Variants in ELAVL4 observed in about 807,000 individuals in gnomAD.
The protein encoded by ELAVL4 is ELAV-like protein 4.
In ELAVL4, 1 loss-of-function variant was observed where a neutral mutation model predicts 35.6. That is an observed-to-expected ratio of 0.03 (90% CI 0.01 to 0.13). The LOEUF (loss-of-function observed/expected upper bound fraction) is 0.13, where lower values mean the gene tolerates loss of function less well. ELAVL4 is among the 10% of genes least tolerant of loss of function. The pLI is 1.00. For missense variants in ELAVL4, 267 were observed against 464.9 expected (o/e 0.57, Z 3.91); for synonymous variants, 156 against 171.0 (o/e 0.91, Z 0.69).
At chr1:50,184,705 T>A (rs1210919812) in intron 3 of ELAVL4, among the ~76,000 whole-genome samples, 1 of 152,170 alleles carries the variant, frequency 6.6e-6, no homozygotes, top group African/African-American at 2.4e-5. Context: ...GAAGAGAACC[T>A]GTGTAGCTAT....
rs1644367815 is a variant in ELAVL4 at position 50,201,040 on chromosome 1, C to T, written c.963C>T (p.Asn321=). 6.2e-7 allele frequency: 1 copy of T among 1,614,106 alleles called. No homozygotes were observed. The highest frequency in any genetic ancestry group is 8.5e-7 in the Non-Finnish European group (1 of 1,180,008). The change falls in exon 7 of 7, where the codon AAC becomes AAT. Residue 321 remains asparagine, a synonymous_variant. Coordinates refer to ENST00000371824, the MANE Select transcript of ELAVL4 (RefSeq NM_001144774.3). The surrounding 1 kb of genome is among the most constrained non-coding windows in gnomAD (Gnocchi z 4.3). ...NVKVIRDFNT[N]KCKGFGFVTM... ...AGGTGATTCGTGACTTCAACACCAA[C>T]AAGTGCAAGGGATTCGGCTTTGTCA... is the stretch of plus-strand genomic sequence containing the variant.
At chr1:50,179,168 C>T (rs1438164103) in intron 3 of ELAVL4, among the ~76,000 whole-genome samples, 1 of 152,070 alleles carries the variant, frequency 6.6e-6, no homozygotes, top group Non-Finnish European at 1.5e-5. Context: ...TTCCTTTCCC[C>T]ACCCCCTCAC....
chr1:50,109,871 T>C, intron 1 of ELAVL4: 1 of 1,600,046 alleles, frequency 6.2e-7, no homozygotes, highest in East Asian at 2.2e-5. Context: ...AGAAGGAATG[T>C]CAGCTTTTAC....
intron 1 of ELAVL4, among the ~76,000 whole-genome samples, chr1:50,053,355 T>C (rs954327691): frequency 6.6e-6 from 1 of 152,212 alleles, no homozygotes; most frequent in African/African-American, 2.4e-5. Flanking sequence ...TTGTTTTTTA[T>C]GTTTTGTGTT....
At chr1:50,172,096 G>A (rs1001595643) in intron 2 of ELAVL4, among the ~76,000 whole-genome samples, 2 of 152,148 alleles carry the variant, frequency 1.3e-5, no homozygotes, top group African/African-American at 2.4e-5. Flanking sequence ...TTTAAAAAGC[G>A]AAAGAGCAAG....
intron 2 of ELAVL4, among the ~76,000 whole-genome samples, chr1:50,149,227 G>T (rs1019933253): frequency 1.3e-5 from 2 of 151,804 alleles, no homozygotes; most frequent in African/African-American, 4.8e-5. Context: ...GTGAAACCCC[G>T]TCTCTACTAA....
chr1:50,095,538 A>G (rs531866010), intron 1 of ELAVL4, among the ~76,000 whole-genome samples: 174 of 152,192 alleles, frequency 1.1e-3, no homozygotes, highest in African/African-American at 4.1e-3. Context: ...TTATATTTAT[A>G]TAATATATAA....
intron 1 of ELAVL4, among the ~76,000 whole-genome samples, chr1:50,126,426 C>G: frequency 6.6e-6 from 1 of 151,892 alleles, no homozygotes; most frequent in African/African-American, 2.4e-5. Context: ...AGAGTATTTA[C>G]TTTTTAGTGG....
At chr1:50,062,922 C>A (rs1038874998) in intron 1 of ELAVL4, among the ~76,000 whole-genome samples, 1 of 152,156 alleles carries the variant, frequency 6.6e-6, no homozygotes, top group Non-Finnish European at 1.5e-5. Context: ...AGTCTACCAA[C>A]CCATATTTAT....
chr1:50,183,149 C>T (rs1053689923), intron 3 of ELAVL4, among the ~76,000 whole-genome samples: 5 of 152,256 alleles, frequency 3.3e-5, no homozygotes, highest in South Asian at 2.1e-4. Flanking sequence ...TGAGCCACTG[C>T]GCCCGGCCGA....
chr1:50,094,697 G>T (rs1488965432), intron 1 of ELAVL4, among the ~76,000 whole-genome samples: 1 of 151,726 alleles, frequency 6.6e-6, no homozygotes, highest in Non-Finnish European at 1.5e-5. Context: ...CCTGAGGTCA[G>T]GAGTTCGAGA....
intron 6 of ELAVL4, 46 bp downstream of exon 6, chr1:50,197,513 C>A: frequency 1.3e-6 from 2 of 1,488,126 alleles, no homozygotes; most frequent in Admixed American, 2.6e-5. Context: ...TTGGCACAGA[C>A]TGGGGCTAGA....
chr1:50,064,241 G>T (rs539822180), intron 1 of ELAVL4, among the ~76,000 whole-genome samples: 19 of 152,258 alleles, frequency 1.2e-4, no homozygotes, highest in Non-Finnish European at 2.6e-4. Context: ...AGAACAGAAA[G>T]AAAATAATCT....
chr1:50,063,330 G>C (rs1414995477), intron 1 of ELAVL4, among the ~76,000 whole-genome samples: 1 of 151,940 alleles, frequency 6.6e-6, no homozygotes, highest in African/African-American at 2.4e-5. Flanking sequence ...TTACAGTTTT[G>C]CCTTTCTTTT....
chr1:50,110,003 CTGTGTGTG>C lies in ELAVL4; in HGVS notation c.9+822_9+829del, dbSNP rs113726459. 17 of 1,553,182 alleles carry C rather than the reference CTGTGTGTG, an allele frequency of 1.1e-5. No homozygotes were observed. In the African/African-American group the frequency reaches 1.8e-4, roughly 16 times the overall value. ...GGAAGGCAGCCTGGAGGTCCCAGCC[CTGTGTGTG>C]TGTGTGTGTGTGTGTGCTTGTATGT... On this transcript the variant is annotated intron_variant, in intron 1 of 6. Transcript: ENST00000371824.
intron 1 of ELAVL4, among the ~76,000 whole-genome samples, chr1:50,073,531 C>T (rs1664626160): frequency 1.3e-5 from 2 of 151,146 alleles, no homozygotes; most frequent in Admixed American, 6.6e-5. Context: ...AATAAGGATT[C>T]GAGTAAAATG....
At chr1:50,108,533 G>A (rs9326009), upstream of ELAVL4, among the ~76,000 whole-genome samples, 15,307 of 152,052 alleles carry the variant, frequency 0.1, 2,417 homozygotes, top group African/African-American at 0.34. Context: ...AATATTCTAC[G>A]GTGGAAAAGC....
chr1:50,118,944 A>AAGAGAG (rs57074113), intron 1 of ELAVL4, among the ~76,000 whole-genome samples: 5 of 113,790 alleles, frequency 4.4e-5, no homozygotes, highest in African/African-American at 1.5e-4. Flanking sequence ...TAAAAAAAGA[A>AAGAGAG]AGAGAGAGAG....
chr1:50,048,186 G>C (rs1035848525), intron 1 of ELAVL4: 191 of 1,521,700 alleles, frequency 1.3e-4, no homozygotes, highest in Non-Finnish European at 1.7e-4. Context: ...GAACCAGGTA[G>C]AAGCGCCTCG....
Sources: allele counts gnomAD v4.1 joint callset (sites outside exome capture counted in the v4.1 genomes callset), GRCh38; gene constraint gnomAD v4.1.1; non-coding constraint Gnocchi (gnomAD v3.1); transcripts MANE v1.5; gene names NCBI Gene and HGNC (gene_info 2026-07-23, HGNC 2026-07-21).